Variants in SPOCK3 observed in about 807,000 individuals in gnomAD.
The protein encoded by SPOCK3 is SPARC (osteonectin), cwcv and kazal like domains proteoglycan 3, also known as testican-3.
SPOCK3 carries 30 observed loss-of-function variants against 56.6 expected under a neutral mutation model. The observed-to-expected ratio is 0.53, with a 90% CI of 0.40 to 0.72. The LOEUF (loss-of-function observed/expected upper bound fraction) is 0.72. Ranked by LOEUF, SPOCK3 falls within the 30% of genes least tolerant of loss-of-function variation. SPOCK3 has a pLI of 0.00. For synonymous variants in SPOCK3, 196 were observed against 183.3 expected (o/e 1.07, Z -0.56); for missense variants, 527 against 530.0 (o/e 0.99, Z 0.06).
chr4:166,814,150 C>T (rs1217104033), intron 6 of SPOCK3, among the ~76,000 whole-genome samples: 1 of 152,088 alleles, frequency 6.6e-6, no homozygotes, highest in African/African-American at 2.4e-5. Flanking sequence ...TGCTCCTGCT[C>T]ATTCTTCTCA....
In SPOCK3 at chr4:166,971,511, C is replaced by T. The variant is rs560156005; in HGVS notation, c.350+28838G>A. Among the ~76,000 whole-genome samples the T allele has an allele frequency of 2.0e-5, 3 of 151,450 alleles. No homozygotes were observed. The East Asian group carries it at 5.8e-4, about 29-fold the overall frequency. On this transcript the variant is annotated intron_variant, in intron 4 of 10. Transcript: ENST00000357545. ...AAATATGGAGTCATATTTCTCTTTT[C>T]ACAAGAAGAGAAAGTATTTTTTCAA...
intron 2 of SPOCK3, among the ~76,000 whole-genome samples, chr4:167,174,956 T>C (rs1442777772): frequency 1.3e-5 from 2 of 152,114 alleles, no homozygotes; most frequent in Admixed American, 1.3e-4. Context: ...ACAAATCTAA[T>C]GAAAGTCAGA....
At chr4:167,012,920 C>A (rs979191446) in intron 3 of SPOCK3, among the ~76,000 whole-genome samples, 1 of 151,896 alleles carries the variant, frequency 6.6e-6, no homozygotes, top group African/African-American at 2.4e-5. Flanking sequence ...GGCTTTGCAA[C>A]TGAGCAGCAT....
intron 2 of SPOCK3, among the ~76,000 whole-genome samples, chr4:167,180,471 C>T (rs1206368350): frequency 6.6e-6 from 1 of 152,074 alleles, no homozygotes; most frequent in Non-Finnish European, 1.5e-5. Flanking sequence ...TTTCATTACC[C>T]GTGAGGAGAA....
chr4:166,962,214 G>C (rs372849904), intron 4 of SPOCK3, among the ~76,000 whole-genome samples: 1 of 152,032 alleles, frequency 6.6e-6, no homozygotes, highest in South Asian at 2.1e-4. Context: ...ATTGCTCTTT[G>C]ACATGTAAGA....
At chr4:166,798,041 T>G (rs976677860) in intron 6 of SPOCK3, among the ~76,000 whole-genome samples, 4 of 152,246 alleles carry the variant, frequency 2.6e-5, no homozygotes, top group African/African-American at 4.8e-5. Context: ...ACATCACTCA[T>G]GTTTGTAGTG....
At chr4:166,978,614 G>C (rs1561078473) in intron 4 of SPOCK3, among the ~76,000 whole-genome samples, 1 of 152,034 alleles carries the variant, frequency 6.6e-6, no homozygotes, top group Admixed American at 6.6e-5. Flanking sequence ...TATATAAATT[G>C]CCACTTGCAT....
chr4:166,744,863 G>A (rs779466491), intron 8 of SPOCK3, among the ~76,000 whole-genome samples: 2 of 151,978 alleles, frequency 1.3e-5, no homozygotes, highest in African/African-American at 4.8e-5. Flanking sequence ...TAGCCGATTC[G>A]ATCAAGTGGA....
At chr4:166,961,998 A>G (rs1386771922) in intron 4 of SPOCK3, among the ~76,000 whole-genome samples, 1 of 152,058 alleles carries the variant, frequency 6.6e-6, no homozygotes, top group Non-Finnish European at 1.5e-5. Context: ...TCTAGCTCCC[A>G]TAGGCTGCCT....
chr4:167,222,813 ATAAATAT>A (rs575718032), intron 2 of SPOCK3, among the ~76,000 whole-genome samples: 1,050 of 86,968 alleles, frequency 0.012, 15 homozygotes, highest in Non-Finnish European at 0.015. Flanking sequence ...ATATGAATAT[ATAAATAT>A]ATAAACATAG....
chr4:166,858,293 G>A (rs1366179047), intron 6 of SPOCK3, among the ~76,000 whole-genome samples: 1 of 152,090 alleles, frequency 6.6e-6, no homozygotes, highest in Non-Finnish European at 1.5e-5. Context: ...TTATTGCTGT[G>A]AATTTCATAG....
rs3082377 is a variant in SPOCK3 at position 167,078,308 on chromosome 4, CTGTGTGTGTGTGTGTGTGTGTGTG to C, written c.190-15795_190-15772del. Among the ~76,000 whole-genome samples the C allele has an allele frequency of 7.8e-4, 82 of 105,122 alleles. 1 individual carries two copies. Among genetic ancestry groups the C allele is most frequent in the Middle Eastern group, 5.3e-3 (1 of 188 alleles). The allele number at this position is 105,122 out of a possible 152,430, so 69.0% of individuals were successfully genotyped here. On this transcript the variant is annotated intron_variant, in intron 2 of 10. Coordinates refer to ENST00000357545, the MANE Select transcript of SPOCK3 (RefSeq NM_001040159.2). ...ACCTATGTGTATCCAGGTCATAACTCTGTGTGTGTGTGTGTGTGTGTGTGTGTGTGTGTGTGTGTGTGTGTGTGT... is the reference window on the plus strand; with the variant it reads ...ACCTATGTGTATCCAGGTCATAACTCTGTGTGTGTGTGTGTGTGTGTGTGT...
intron 2 of SPOCK3, among the ~76,000 whole-genome samples, chr4:167,161,932 G>T (rs1015460909): frequency 6.6e-6 from 1 of 151,602 alleles, no homozygotes; most frequent in East Asian, 2.0e-4. Context: ...GGAGATATAC[G>T]TAATGTTAAA....
intron 2 of SPOCK3, among the ~76,000 whole-genome samples, chr4:167,187,770 G>A (rs1392719948): frequency 1.3e-5 from 2 of 152,076 alleles, no homozygotes; most frequent in African/African-American, 4.8e-5. Context: ...CAATTAAAAT[G>A]AGTATGAGTT....
intron 6 of SPOCK3, among the ~76,000 whole-genome samples, chr4:166,885,857 T>C (rs1329693880): frequency 6.6e-6 from 1 of 151,968 alleles, no homozygotes; most frequent in Non-Finnish European, 1.5e-5. Flanking sequence ...AAACAGAAAA[T>C]GTTAATTAAA....
intron 6 of SPOCK3, among the ~76,000 whole-genome samples, chr4:166,884,278 G>A (rs1451295536): frequency 1.3e-5 from 2 of 151,856 alleles, no homozygotes; most frequent in African/African-American, 4.8e-5. Flanking sequence ...GCGTGAACCC[G>A]GGAGGTGGAG....
rs759948471 is a variant in SPOCK3 at position 166,735,037 on chromosome 4, T to G, written c.1186A>C (p.Thr396Pro). The change falls in exon 11 of 11, where the codon ACT (threonine) becomes CCT (proline). Residue 396 changes from threonine (T) to proline (P), a missense_variant. Transcript: ENST00000357545. ...DFASGDFHEW[T>P]DDEDDEDDIM... Reference sequence around the variant, plus strand: ...TCGTCTTCATCATCCTCATCATCAGTCCATTCATGAAAATCGCCACTAGCA... The same window carrying G: ...TCGTCTTCATCATCCTCATCATCAGGCCATTCATGAAAATCGCCACTAGCA... The G allele has an allele frequency of 6.3e-7, 1 of 1,595,392 alleles. No individual in the cohort carries two copies.
At chr4:166,773,002 T>C (rs1212666113) in intron 7 of SPOCK3, among the ~76,000 whole-genome samples, 2 of 152,122 alleles carry the variant, frequency 1.3e-5, no homozygotes, top group African/African-American at 4.8e-5. Context: ...GTGTTGCCCA[T>C]GCTGGTCTCG....
chr4:167,075,301 A>G lies in SPOCK3; in HGVS notation c.190-12764T>C, dbSNP rs192871781. Among the ~76,000 whole-genome samples the G allele has an allele frequency of 5.2e-4, 79 of 152,082 alleles. No homozygotes were observed. In the South Asian group the frequency reaches 9.3e-3, roughly 18 times the overall value. On this transcript the variant is annotated intron_variant, in intron 2 of 10. Transcript: ENST00000357545. ...TTCATTGCTTTTAGAATTAATCAAT[A>G]TATAATTTTTCCGTCAAGTTGCTGT...
Sources: gnomAD v4.1 joint callset for allele counts (sites outside exome capture counted in the v4.1 genomes callset) on GRCh38, gnomAD v4.1.1 for gene constraint, MANE v1.5 for transcripts, NCBI Gene and HGNC (gene_info 2026-07-23, HGNC 2026-07-21) for gene names.